REEP3: variants seen among roughly 807,000 people sequenced by gnomAD.
The protein encoded by REEP3 is receptor accessory protein 3.
A neutral mutation model predicts 41.3 loss-of-function variants in REEP3; 20 were observed. That is an observed-to-expected ratio of 0.48 (90% CI 0.34 to 0.70). The LOEUF (loss-of-function observed/expected upper bound fraction) is 0.70. Ranked by LOEUF, REEP3 falls within the 30% of genes least tolerant of loss-of-function variation. The pLI is 0.01. For missense variants in REEP3, 271 were observed against 308.8 expected (o/e 0.88, Z 0.92); for synonymous variants, 104 against 101.8 (o/e 1.02, Z -0.13).
At chr10:63,567,624 A>C (rs1450353152) in intron 2 of REEP3, among the ~76,000 whole-genome samples, 1 of 152,160 alleles carries the variant, frequency 6.6e-6, no homozygotes, top group Non-Finnish European at 1.5e-5. Flanking sequence ...TCTTTTGGCT[A>C]TTATGAATAG....
chr10:63,593,900 A>T (rs1245531817), intron 2 of REEP3, among the ~76,000 whole-genome samples: 1 of 152,160 alleles, frequency 6.6e-6, no homozygotes, highest in Non-Finnish European at 1.5e-5. Flanking sequence ...AAGAGGAAGA[A>T]GATTAACCTT....
intron 6 of REEP3, among the ~76,000 whole-genome samples, chr10:63,617,447 T>C (rs1404121421): frequency 6.6e-6 from 1 of 152,192 alleles, no homozygotes; most frequent in African/African-American, 2.4e-5. Flanking sequence ...TGAAACAGGC[T>C]ATAATGCAGT....
chr10:63,542,213 G>C (rs755953329), intron 1 of REEP3, among the ~76,000 whole-genome samples: 5 of 151,878 alleles, frequency 3.3e-5, no homozygotes, highest in African/African-American at 7.3e-5. Flanking sequence ...ACTAGTAGCT[G>C]GGATTACAGG....
intron 7 of REEP3, among the ~76,000 whole-genome samples, chr10:63,620,280 T>G (rs548257695): frequency 1.3e-5 from 2 of 152,286 alleles, no homozygotes; most frequent in South Asian, 4.1e-4. Context: ...TATCAGGATA[T>G]CAGGAAATTT....
At chr10:63,564,908 A>G (rs1411003499) in intron 1 of REEP3, among the ~76,000 whole-genome samples, 2 of 152,210 alleles carry the variant, frequency 1.3e-5, no homozygotes, top group African/African-American at 4.8e-5. Flanking sequence ...GGTTGTAAGC[A>G]TGGAATTGTT....
intron 2 of REEP3, among the ~76,000 whole-genome samples, chr10:63,571,911 T>C (rs1367745815): frequency 2.0e-5 from 3 of 152,216 alleles, no homozygotes; most frequent in Admixed American, 6.5e-5. Flanking sequence ...TATTCTACCA[T>C]GCTACCTTTA....
chr10:63,603,533 C>T (rs1231981065), intron 5 of REEP3, among the ~76,000 whole-genome samples: 1 of 152,106 alleles, frequency 6.6e-6, no homozygotes, highest in African/African-American at 2.4e-5. Flanking sequence ...CTTAAAATCA[C>T]GTGTCCACCC....
At chr10:63,550,669 A>T (rs1262919994) in intron 1 of REEP3, among the ~76,000 whole-genome samples, 1 of 152,186 alleles carries the variant, frequency 6.6e-6, no homozygotes, top group East Asian at 1.9e-4. Flanking sequence ...TTTGGTAAGG[A>T]TGGAATCCCC....
intron 2 of REEP3, among the ~76,000 whole-genome samples, chr10:63,570,415 T>G (rs1955842200): frequency 6.6e-6 from 1 of 152,232 alleles, no homozygotes; most frequent in African/African-American, 2.4e-5. Context: ...GTACATAATT[T>G]TGCAGTAATA....
chr10:63,607,662 G>A (rs1956241049), intron 5 of REEP3, among the ~76,000 whole-genome samples: 1 of 152,190 alleles, frequency 6.6e-6, no homozygotes, highest in South Asian at 2.1e-4. Flanking sequence ...CTTATTACAT[G>A]CTCAATATCA....
chr10:63,612,349 T>A (rs1459162800), intron 6 of REEP3, among the ~76,000 whole-genome samples: 1 of 152,086 alleles, frequency 6.6e-6, no homozygotes, highest in Non-Finnish European at 1.5e-5. Flanking sequence ...TTTTTCCATT[T>A]TTTGTAGAGA....
intron 2 of REEP3, among the ~76,000 whole-genome samples, chr10:63,580,123 G>A (rs11817901): frequency 0.12 from 17,444 of 150,412 alleles, 1,310 homozygotes; most frequent in East Asian, 0.28. Flanking sequence ...GCTGGTTTTC[G>A]TTGTTGTTGT....
intron 5 of REEP3, among the ~76,000 whole-genome samples, chr10:63,600,116 T>G (rs1956159089): frequency 6.6e-6 from 1 of 152,168 alleles, no homozygotes; most frequent in Non-Finnish European, 1.5e-5. Flanking sequence ...TAAATTAAAT[T>G]GAGATTGAAT....
chr10:63,588,411 T>G (rs1478634634), intron 2 of REEP3, among the ~76,000 whole-genome samples: 3 of 151,668 alleles, frequency 2.0e-5, no homozygotes, highest in Non-Finnish European at 4.4e-5. Context: ...CATGCTTTCG[T>G]GTTGCTTCAT....
chr10:63,608,586 C>T (rs921434871), intron 5 of REEP3, among the ~76,000 whole-genome samples: 10 of 151,904 alleles, frequency 6.6e-5, no homozygotes, highest in Admixed American at 1.3e-4. Flanking sequence ...ATGTGTGAAA[C>T]GAAGAAATAA....
intron 1 of REEP3, among the ~76,000 whole-genome samples, chr10:63,552,114 C>T (rs1400065838): frequency 6.6e-6 from 1 of 152,040 alleles, no homozygotes; most frequent in African/African-American, 2.4e-5. Context: ...TTAAGAAATA[C>T]AGCACTGGGG....
chr10:63,525,895 C>G (rs1955359525), intron 1 of REEP3, among the ~76,000 whole-genome samples: 1 of 152,034 alleles, frequency 6.6e-6, no homozygotes. Flanking sequence ...GCCAGATTGC[C>G]AAATTCAACT....
chr10:63,526,194 A>G (rs1188922313), intron 1 of REEP3, among the ~76,000 whole-genome samples: 2 of 152,142 alleles, frequency 1.3e-5, no homozygotes, highest in African/African-American at 2.4e-5. Flanking sequence ...AGCATCTTCT[A>G]TGTTGCTCTG....
intron 2 of REEP3, among the ~76,000 whole-genome samples, chr10:63,585,147 A>G (rs934568022): frequency 7.2e-5 from 11 of 152,190 alleles, no homozygotes; most frequent in Non-Finnish European, 1.3e-4. Context: ...TTGTGTATCA[A>G]TTCAGACCTT....
Sources: allele counts gnomAD v4.1 joint callset (sites outside exome capture counted in the v4.1 genomes callset), GRCh38; gene constraint gnomAD v4.1.1; transcripts MANE v1.5; gene names NCBI Gene and HGNC (gene_info 2026-07-23, HGNC 2026-07-21).